The following MAP2K5 variants were observed in gnomAD, a reference collection of about 807,000 sequenced individuals.
The protein encoded by MAP2K5 is dual specificity mitogen-activated protein kinase kinase 5.
A neutral mutation model predicts 83.1 loss-of-function variants in MAP2K5; 49 were observed. That is an observed-to-expected ratio of 0.59 (90% CI 0.47 to 0.75). The LOEUF is 0.75. Ranked by LOEUF, MAP2K5 falls within the 30% of genes least tolerant of loss-of-function variation. MAP2K5 has a pLI of 0.00. For synonymous variants in MAP2K5, 202 were observed against 191.8 expected (o/e 1.05, Z -0.44); for missense variants, 457 against 557.5 (o/e 0.82, Z 1.82).
At chr15:67,549,179 A>G in intron 1 of MAP2K5, 1 of 1,535,674 alleles carries the variant, frequency 6.5e-7, no homozygotes, top group Non-Finnish European at 8.7e-7. Flanking sequence ...GTTGGACTGG[A>G]CATGATGGAG....
Position 67,566,396 on chromosome 15 carries a change from G to A in MAP2K5, c.252+3046G>A, listed in dbSNP as rs534310188. ...TCTCGATATTGGCCAGGCTGGTCTC[G>A]AACTCCTGATCTCAAGTGATCCGCA... On this transcript the variant is annotated intron_variant, in intron 3 of 21. Transcript: ENST00000178640. Among the ~76,000 whole-genome samples, 4 of 152,068 alleles carry A rather than the reference G, an allele frequency of 2.6e-5. No individual in the cohort carries two copies. The South Asian group carries it at 6.2e-4, about 24-fold the overall frequency.
At chr15:67,657,464 C>T (rs528143752) in intron 11 of MAP2K5, among the ~76,000 whole-genome samples, 3 of 152,038 alleles carry the variant, frequency 2.0e-5, no homozygotes, top group East Asian at 1.9e-4. Flanking sequence ...GAACATAAAA[C>T]GTTTTTCTGC....
intron 21 of MAP2K5, among the ~76,000 whole-genome samples, chr15:67,791,074 C>T (rs536986526): frequency 7.2e-5 from 11 of 152,300 alleles, no homozygotes; most frequent in African/African-American, 1.7e-4. Context: ...GTGAGACATC[C>T]GAGCTGCAGC....
intron 19 of MAP2K5, among the ~76,000 whole-genome samples, chr15:67,754,646 T>C (rs572620566): frequency 6.6e-6 from 1 of 152,258 alleles, no homozygotes; most frequent in African/African-American, 2.4e-5. Context: ...AGAGAGGAGA[T>C]GATATTTGAG....
Position 67,749,333 on chromosome 15 carries a change from A to G in MAP2K5, c.1134+732A>G. Among the ~76,000 whole-genome samples the G allele has an allele frequency of 6.6e-6, 1 of 152,222 alleles. No homozygotes were observed. Among genetic ancestry groups the G allele is most frequent in the East Asian group, 1.9e-4 (1 of 5,202 alleles). On this transcript the variant is annotated intron_variant, in intron 19 of 21. Coordinates refer to ENST00000178640, the MANE Select transcript of MAP2K5 (RefSeq NM_145160.3). The surrounding 1 kb of genome is among the most constrained non-coding windows in gnomAD (Gnocchi z 4.6). ...CTTATAATACACAAGGCTTTCAAGA[A>G]ACATTAACATTTTCTTTAAAAACTG...
intron 11 of MAP2K5, among the ~76,000 whole-genome samples, chr15:67,650,193 C>CTTG (rs1456145401): frequency 6.6e-6 from 1 of 151,992 alleles, no homozygotes; most frequent in Non-Finnish European, 1.5e-5. Context: ...CCTTGCTGAA[C>CTTG]TTGTTTACTA....
chr15:67,671,692 A>C (rs1000529177), intron 13 of MAP2K5, among the ~76,000 whole-genome samples: 4 of 151,928 alleles, frequency 2.6e-5, no homozygotes, highest in Non-Finnish European at 4.4e-5. Flanking sequence ...TTTAAGTTTT[A>C]GGGTACGTGT....
intron 21 of MAP2K5, among the ~76,000 whole-genome samples, chr15:67,806,442 G>A (rs371231288): frequency 1.6e-4 from 25 of 152,314 alleles, no homozygotes; most frequent in African/African-American, 2.4e-4. Flanking sequence ...CACTCCACAC[G>A]CTTGGTGCTG....
chr15:67,585,273 A>G (rs571678570), intron 4 of MAP2K5, among the ~76,000 whole-genome samples: 53 of 152,316 alleles, frequency 3.5e-4, no homozygotes, highest in African/African-American at 1.2e-3. Flanking sequence ...CTGTAACTCA[A>G]GATGGTGTCA....
At chr15:67,628,996 C>G (rs1310251213) in intron 8 of MAP2K5, 7 of 757,318 alleles carry the variant, frequency 9.2e-6, no homozygotes, top group Non-Finnish European at 1.7e-5. Context: ...AATTTCAGAC[C>G]CGTGAAGGGA....
At chr15:67,639,643 C>T (rs761631893) in intron 9 of MAP2K5, among the ~76,000 whole-genome samples, 3 of 152,162 alleles carry the variant, frequency 2.0e-5, no homozygotes, top group Non-Finnish European at 4.4e-5. Context: ...AGAGGCTTCA[C>T]GTCACTTCCC....
chr15:67,646,013 T>G (rs1489331084), intron 9 of MAP2K5, among the ~76,000 whole-genome samples: 1 of 152,176 alleles, frequency 6.6e-6, no homozygotes, highest in Non-Finnish European at 1.5e-5. Flanking sequence ...CTTTTTTCTT[T>G]GGTCCCATCA....
At chr15:67,599,891 A>G (rs569809603) in intron 7 of MAP2K5, among the ~76,000 whole-genome samples, 29 of 152,326 alleles carry the variant, frequency 1.9e-4, no homozygotes, top group Middle Eastern at 6.8e-3. Context: ...GGAGCTCTCT[A>G]AACTCTAAAA....
intron 17 of MAP2K5, among the ~76,000 whole-genome samples, chr15:67,740,114 T>G (rs1280699501): frequency 2.0e-5 from 3 of 152,176 alleles, no homozygotes; most frequent in African/African-American, 7.2e-5. Context: ...TAATTAAATC[T>G]TAGCCCTGCT....
At chr15:67,788,258 T>A (rs895088066) in intron 21 of MAP2K5, among the ~76,000 whole-genome samples, 3 of 152,250 alleles carry the variant, frequency 2.0e-5, no homozygotes, top group East Asian at 1.9e-4. Context: ...CCCTTTTTTT[T>A]ATATGGAGAT....
At chr15:67,715,674 A>G (rs1208476764) in intron 16 of MAP2K5, among the ~76,000 whole-genome samples, 2 of 152,264 alleles carry the variant, frequency 1.3e-5, no homozygotes, top group Admixed American at 1.3e-4. Flanking sequence ...GATATGAAGA[A>G]TAAAGAAAGA....
intron 3 of MAP2K5, among the ~76,000 whole-genome samples, chr15:67,579,187 C>G (rs1192300293): frequency 6.6e-6 from 1 of 151,978 alleles, no homozygotes; most frequent in East Asian, 2.0e-4. Context: ...GGCAAATTTC[C>G]CATTAAAAAG....
intron 13 of MAP2K5, among the ~76,000 whole-genome samples, chr15:67,669,017 T>C (rs2087457973): frequency 6.6e-6 from 1 of 152,144 alleles, no homozygotes; most frequent in Non-Finnish European, 1.5e-5. Context: ...GTTACAAATT[T>C]TATTTTCTAC....
At chr15:67,685,591 C>G (rs2087933726) in intron 13 of MAP2K5, among the ~76,000 whole-genome samples, 1 of 151,820 alleles carries the variant, frequency 6.6e-6, no homozygotes, top group Admixed American at 6.6e-5. Flanking sequence ...AAAATAAAGA[C>G]ATTATATTAT....
Sources: gnomAD v4.1 joint callset for allele counts (sites outside exome capture counted in the v4.1 genomes callset) on GRCh38, gnomAD v4.1.1 for gene constraint, Gnocchi (gnomAD v3.1) non-coding constraint, MANE v1.5 for transcripts, NCBI Gene and HGNC (gene_info 2026-07-23, HGNC 2026-07-21) for gene names.